Variants in ACP3 observed in about 807,000 individuals in gnomAD.
The protein encoded by ACP3 is prostatic acid phosphatase.
In ACP3, 38 loss-of-function variants were observed where a neutral mutation model predicts 45.6. The ratio of observed to expected loss-of-function variants is 0.83; its 90% CI spans 0.64 to 1.09. The LOEUF (loss-of-function observed/expected upper bound fraction) is 1.09. Among genes scored for constraint, ACP3 ranks in the 50% least tolerant of loss-of-function variants. The pLI is 0.00. For missense variants in ACP3, 466 were observed against 463.2 expected (o/e 1.01, Z -0.05); for synonymous variants, 162 against 164.7 (o/e 0.98, Z 0.13).
chr3:132,359,880 G>C (rs1938007457), downstream of ACP3, among the ~76,000 whole-genome samples: 1 of 152,150 alleles, frequency 6.6e-6, no homozygotes, highest in Non-Finnish European at 1.5e-5. Flanking sequence ...AATGTGGCAG[G>C]AGTATTTTCA....
chr3:132,348,238 G>A (rs146980043), intron 7 of ACP3, among the ~76,000 whole-genome samples: 60 of 152,252 alleles, frequency 3.9e-4, no homozygotes, highest in African/African-American at 8.7e-4. Flanking sequence ...TCTAGTTTAC[G>A]AAGATTTAAT....
downstream of ACP3, among the ~76,000 whole-genome samples, chr3:132,359,756 TAGAA>T (rs1938004837): frequency 6.6e-6 from 1 of 152,096 alleles, no homozygotes; most frequent in Non-Finnish European, 1.5e-5. Context: ...AAAATGTTAA[TAGAA>T]AGAAAAATGT....
At chr3:132,349,681 T>C (rs1246304730) in intron 7 of ACP3, among the ~76,000 whole-genome samples, 2 of 152,148 alleles carry the variant, frequency 1.3e-5, no homozygotes, top group African/African-American at 4.8e-5. Flanking sequence ...CTTAATATCT[T>C]TGGACTTAAG....
chr3:132,333,346 C>T (rs1399666890), intron 4 of ACP3: 1 of 152,610 alleles, frequency 6.6e-6, no homozygotes. Flanking sequence ...AGGTGTGAAA[C>T]TTAAGGCTAT....
chr3:132,366,085 G>C (rs1270647215), intron 10 of ACP3, among the ~76,000 whole-genome samples: 4 of 152,020 alleles, frequency 2.6e-5, no homozygotes, highest in African/African-American at 9.7e-5. Flanking sequence ...TGGATCATTT[G>C]AGCTTAAGAG....
chr3:132,353,332 G>C (rs76135784), intron 9 of ACP3, among the ~76,000 whole-genome samples: 2 of 152,154 alleles, frequency 1.3e-5, no homozygotes, highest in Non-Finnish European at 2.9e-5. Flanking sequence ...CAAAGTTAGC[G>C]TAGCCAAATG....
At position 132,332,254 on chromosome 3, in the gene ACP3, C is replaced by T; in HGVS notation, c.366C>T (p.Ala122=). 1 of 1,614,156 alleles carries T rather than the reference C, an allele frequency of 6.2e-7. No individual in the cohort carries two copies. Among genetic ancestry groups the T allele is most frequent in the Non-Finnish European group, 8.5e-7 (1 of 1,180,014 alleles). Residue 122 remains alanine, a synonymous_variant, in exon 4 of 10, where the codon GCC becomes GCT. Transcript: ENST00000336375. ...TLMSAMTNLA[A]LFPPEGVSIW... Reference sequence around the variant, plus strand: ...TGAGTGCTATGACAAACCTGGCAGCCCTGTTTCCCCCAGAAGGTGTCAGCA... The same window carrying T: ...TGAGTGCTATGACAAACCTGGCAGCTCTGTTTCCCCCAGAAGGTGTCAGCA...
At chr3:132,344,171 G>T (rs917127805) in intron 6 of ACP3, among the ~76,000 whole-genome samples, 1 of 151,878 alleles carries the variant, frequency 6.6e-6, no homozygotes, top group African/African-American at 2.4e-5. Flanking sequence ...CCAGCTACTC[G>T]GGAGGCTGAG....
In ACP3 at chr3:132,352,739, G is replaced by T; in HGVS notation, c.884G>T (p.Gly295Val). 6.2e-7 allele frequency: 1 copy of T among 1,612,680 alleles called. No individual in the cohort carries two copies. The highest frequency in any genetic ancestry group is 8.5e-7 in the Non-Finnish European group (1 of 1,178,766). Residue 295 changes from glycine (G) to valine (V), a missense_variant, in exon 9 of 10, where the codon GGC becomes GTC. Coordinates refer to ENST00000336375, the MANE Select transcript of ACP3 (RefSeq NM_001099.5). ...CTGTAGCATGACACTACTGTGAGTGGCCTACAGATGGCGCTAGATGTTTAC... is the reference window on the plus strand; with the variant it reads ...CTGTAGCATGACACTACTGTGAGTGTCCTACAGATGGCGCTAGATGTTTAC... ...MYSAHDTTVSGLQMALDVYNG... is the reference protein window; with the variant it reads ...MYSAHDTTVSVLQMALDVYNG...
chr3:132,338,223 C>G (rs925277994), intron 5 of ACP3, among the ~76,000 whole-genome samples: 1 of 147,272 alleles, frequency 6.8e-6, no homozygotes, highest in African/African-American at 2.5e-5. Flanking sequence ...ATAGTTTCTT[C>G]TTTTGTTACA....
Position 132,340,246 on chromosome 3 carries a change from C to T in ACP3, c.556-2306C>T, listed in dbSNP as rs71315647. Among the ~76,000 whole-genome samples, 6,339 of 148,562 alleles carry T rather than the reference C, an allele frequency of 0.043. 623 individuals are homozygous for T. In the East Asian group the frequency reaches 0.44, roughly 10 times the overall value. ...AAGAGAATCACTTGAACCCAGGAGG[C>T]GGAGGTTGCAGTGAGCCGAGATGGC... On this transcript the variant is annotated intron_variant, in intron 5 of 9. Transcript: ENST00000336375.
intron 9 of ACP3, among the ~76,000 whole-genome samples, chr3:132,353,623 GTCAGGGAGA>G (rs1937811618): frequency 6.6e-6 from 1 of 152,184 alleles, no homozygotes; most frequent in African/African-American, 2.4e-5. Flanking sequence ...TTTGGGATTA[GTCAGGGAGA>G]TCTATTTTGC....
intron 7 of ACP3, among the ~76,000 whole-genome samples, chr3:132,346,436 A>C: frequency 6.6e-6 from 1 of 152,244 alleles, no homozygotes; most frequent in East Asian, 1.9e-4. Flanking sequence ...TGCATGGCAC[A>C]GAGACAGACT....
chr3:132,362,461 A>T (rs1938058003), downstream of ACP3, among the ~76,000 whole-genome samples: 1 of 152,216 alleles, frequency 6.6e-6, no homozygotes, highest in Non-Finnish European at 1.5e-5. Context: ...TGTATCAAGC[A>T]TTAAGCTTGC....
chr3:132,367,407 A>G (rs1167982870), intron 10 of ACP3, among the ~76,000 whole-genome samples: 1 of 152,212 alleles, frequency 6.6e-6, no homozygotes, highest in Non-Finnish European at 1.5e-5. Flanking sequence ...ATATAACTGT[A>G]AAAAATGCAT....
intron 7 of ACP3, among the ~76,000 whole-genome samples, chr3:132,349,196 A>G (rs1047053840): frequency 1.3e-5 from 2 of 152,184 alleles, no homozygotes; most frequent in African/African-American, 4.8e-5. Context: ...AAATACTGTA[A>G]GCTCTATATC....
downstream of ACP3, among the ~76,000 whole-genome samples, chr3:132,361,468 C>A (rs1938038896): frequency 6.6e-6 from 1 of 152,164 alleles, no homozygotes; most frequent in Non-Finnish European, 1.5e-5. Flanking sequence ...CATGCCAATA[C>A]CTAAGCCTCT....
At chr3:132,331,767 C>T in intron 3 of ACP3, 34 bp downstream of exon 3, 1 of 1,506,744 alleles carries the variant, frequency 6.6e-7, no homozygotes, top group East Asian at 2.3e-5. Flanking sequence ...GAACTTTGAT[C>T]TTTGAAATAA....
At chr3:132,366,103 C>A (rs1938127461) in intron 10 of ACP3, among the ~76,000 whole-genome samples, 1 of 151,976 alleles carries the variant, frequency 6.6e-6, no homozygotes, top group South Asian at 2.1e-4. Flanking sequence ...GAGTTCAAGA[C>A]CAGCCCGGGC....
Sources: gnomAD v4.1 joint callset for allele counts (sites outside exome capture counted in the v4.1 genomes callset) on GRCh38, gnomAD v4.1.1 for gene constraint, MANE v1.5 for transcripts, NCBI Gene and HGNC (gene_info 2026-07-23, HGNC 2026-07-21) for gene names.